GTF2IRD1: variants seen among roughly 807,000 people sequenced by gnomAD.
The protein encoded by GTF2IRD1 is general transcription factor II-I repeat domain-containing protein 1.
A neutral mutation model predicts 113.2 loss-of-function variants in GTF2IRD1; 26 were observed. The ratio of observed to expected loss-of-function variants is 0.23; its 90% CI spans 0.17 to 0.32. The LOEUF is 0.32. Ranked by LOEUF, GTF2IRD1 falls within the 10% of genes least tolerant of loss-of-function variation. The pLI, the probability that GTF2IRD1 is intolerant of heterozygous loss-of-function variation, is 1.00. For synonymous variants in GTF2IRD1, 484 were observed against 529.1 expected (o/e 0.91, Z 1.17); for missense variants, 864 against 1,280.8 (o/e 0.67, Z 4.97).
intron 17 of GTF2IRD1, among the ~76,000 whole-genome samples, chr7:74,552,929 C>T: frequency 6.6e-6 from 1 of 152,140 alleles, no homozygotes; most frequent in Non-Finnish European, 1.5e-5. Flanking sequence ...CCTCCGCCTC[C>T]CGGGTTCCAG....
chr7:74,580,875 G>A (rs1801375700), intron 22 of GTF2IRD1, among the ~76,000 whole-genome samples: 1 of 152,142 alleles, frequency 6.6e-6, no homozygotes, highest in Non-Finnish European at 1.5e-5. Flanking sequence ...TCCTAACTAT[G>A]ACATTTCCAA....
chr7:74,555,143 C>T lies in GTF2IRD1; in HGVS notation c.1917-31C>T, dbSNP rs782760016. 4.4e-6 allele frequency: 7 copies of T among 1,607,288 alleles called. No homozygotes were observed. The highest frequency in any genetic ancestry group is 8.5e-7 in the Non-Finnish European group (1 of 1,175,136). The stretch of plus-strand genomic sequence containing the variant: ...GCAGTCCCAGAGATGCTTGGAGGGA[C>T]CTCTGTGATAGCCTCGCTTGTGTTT... On this transcript the variant is annotated intron_variant, in intron 17 of 26. Coordinates refer to ENST00000424337, the MANE Select transcript of GTF2IRD1 (RefSeq NM_005685.4). The surrounding 1 kb of genome is among the most constrained non-coding windows in gnomAD (Gnocchi z 5.3).
chr7:74,584,577 G>A (rs1554367161), intron 22 of GTF2IRD1, among the ~76,000 whole-genome samples: 1 of 152,192 alleles, frequency 6.6e-6, no homozygotes, highest in Admixed American at 6.6e-5. Flanking sequence ...TGGGTAGACA[G>A]AGCAATGATT....
rs1391951613 is a variant in GTF2IRD1, at chr7:74,512,009, C to A, written c.124-821C>A. 6.6e-6 allele frequency among the ~76,000 whole-genome samples: 1 copy of A among 152,144 alleles called. No individual in the cohort carries two copies. Among genetic ancestry groups the A allele is most frequent in the Non-Finnish European group, 1.5e-5 (1 of 68,036 alleles). On this transcript the variant is annotated intron_variant, in intron 2 of 26. Coordinates refer to ENST00000424337, the MANE Select transcript of GTF2IRD1 (RefSeq NM_005685.4). This position sits in a 1 kb window ranked among gnomAD's most constrained non-coding sequence, Gnocchi z 4.4. ...TCCTCCAACCATTGAATCCCCATAC[C>A]CAAGCCCAGTGGCACTGTGGAACTG...
chr7:74,519,616 G>T lies in GTF2IRD1; in HGVS notation c.813G>T (p.Lys271Asn). The change falls in exon 6 of 27, where the codon AAG becomes AAT. Residue 271 changes from lysine (K) to asparagine (N), a missense_variant. Physicochemically the swap from Lys to Asn is moderately conservative, Grantham distance 94. Around this residue, in one of 7 missense-constraint regions of GTF2IRD1, gnomAD observed 195 missense variants for 196.6 expected, o/e 0.99. Transcript: ENST00000424337. ...ALPNHAIREL[K>N]QEAPSCPLAP... ...CCAACCACGCCATCCGAGAGCTCAAGCAGGAAGCACCTTCCTGCCCCCTTG... is the reference window on the plus strand; with the variant it reads ...CCAACCACGCCATCCGAGAGCTCAATCAGGAAGCACCTTCCTGCCCCCTTG... 6.2e-7 allele frequency: 1 copy of T among 1,612,660 alleles called. No individual in the cohort carries two copies. Among genetic ancestry groups the T allele is most frequent in the Non-Finnish European group, 8.5e-7 (1 of 1,179,726 alleles).
intron 20 of GTF2IRD1, 78 bp downstream of exon 20, chr7:74,557,800 G>A (rs1289260414): frequency 3.0e-5 from 26 of 872,952 alleles, no homozygotes; most frequent in Non-Finnish European, 4.3e-5. Flanking sequence ...AGTTCCAGCC[G>A]AGGGCATTTC....
At chr7:74,496,065 T>A (rs1795646137) in intron 1 of GTF2IRD1, among the ~76,000 whole-genome samples, 1 of 152,010 alleles carries the variant, frequency 6.6e-6, no homozygotes, top group Non-Finnish European at 1.5e-5. Context: ...TGTCTGTATG[T>A]GTGGACATGC....
At chr7:74,533,285 C>G (rs1798082932) in intron 9 of GTF2IRD1, among the ~76,000 whole-genome samples, 1 of 152,094 alleles carries the variant, frequency 6.6e-6, no homozygotes. Context: ...CAGGCATGCA[C>G]CACCACACCT....
intron 8 of GTF2IRD1, among the ~76,000 whole-genome samples, chr7:74,524,598 G>A (rs1449804213): frequency 2.0e-5 from 3 of 152,238 alleles, no homozygotes; most frequent in Admixed American, 6.5e-5. Context: ...GGGTGCAGTG[G>A]CTCATGCCTG....
At chr7:74,561,596 G>A (rs1231382667) in intron 22 of GTF2IRD1, among the ~76,000 whole-genome samples, 6 of 151,896 alleles carry the variant, frequency 4.0e-5, no homozygotes, top group Admixed American at 6.6e-5. Flanking sequence ...CGGAGCTCTC[G>A]GAGGGGCAGA....
At chr7:74,514,928 G>T (rs1211173420) in intron 3 of GTF2IRD1, among the ~76,000 whole-genome samples, 4 of 151,678 alleles carry the variant, frequency 2.6e-5, no homozygotes, top group Non-Finnish European at 5.9e-5. Context: ...AAGGTGGCAG[G>T]CGCCTATAAT....
At chr7:74,480,139 G>T (rs1794651073) in intron 1 of GTF2IRD1, among the ~76,000 whole-genome samples, 1 of 151,180 alleles carries the variant, frequency 6.6e-6, no homozygotes, top group Non-Finnish European at 1.5e-5. Context: ...CTTGCACTGT[G>T]TTTTAATCTT....
chr7:74,593,413 TAAAAAAAAAAAA>T (rs1176932203), intron 24 of GTF2IRD1, among the ~76,000 whole-genome samples: 1 of 49,248 alleles, frequency 2.0e-5, no homozygotes, highest in Non-Finnish European at 3.4e-5. Flanking sequence ...TCATCTCTAC[TAAAAAAAAAAAA>T]AAAAAAAAAA....
chr7:74,536,317 T>A, intron 11 of GTF2IRD1, 42 bp downstream of exon 11: 5 of 1,225,662 alleles, frequency 4.1e-6, no homozygotes, highest in Non-Finnish European at 4.8e-6. Context: ...CGGCCAGCCC[T>A]GCTCTGGGCT....
intron 17 of GTF2IRD1, among the ~76,000 whole-genome samples, chr7:74,548,572 C>A (rs1374663609): frequency 6.6e-6 from 1 of 151,692 alleles, no homozygotes; most frequent in Non-Finnish European, 1.5e-5. Context: ...GAGTTCAAGA[C>A]CAGCCTGGGC....
chr7:74,559,069 G>C (rs782649822), intron 21 of GTF2IRD1, 25 bp downstream of exon 21: 1 of 1,600,976 alleles, frequency 6.2e-7, no homozygotes, highest in East Asian at 2.2e-5. Context: ...GGGTGAGGGT[G>C]AAGAGGCAGG....
intron 22 of GTF2IRD1, among the ~76,000 whole-genome samples, chr7:74,587,745 C>T (rs1399426408): frequency 1.3e-5 from 2 of 152,146 alleles, no homozygotes; most frequent in Non-Finnish European, 2.9e-5. Flanking sequence ...TCCAGCCCAA[C>T]CCCCACTCAG....
intron 17 of GTF2IRD1, among the ~76,000 whole-genome samples, chr7:74,549,134 A>C (rs1429253548): frequency 6.6e-6 from 1 of 151,994 alleles, no homozygotes; most frequent in African/African-American, 2.4e-5. Flanking sequence ...TACTAAAAAT[A>C]CACAGATTAG....
chr7:74,518,393 GC>G, intron 5 of GTF2IRD1, 71 bp downstream of exon 5: 1 of 1,267,960 alleles, frequency 7.9e-7, no homozygotes. Context: ...GGGGCTGGAG[GC>G]CACTTAGCCA....
Sources: allele counts gnomAD v4.1 joint callset (sites outside exome capture counted in the v4.1 genomes callset), GRCh38; gene constraint gnomAD v4.1.1; regional missense constraint gnomAD v4.1.1; non-coding constraint Gnocchi (gnomAD v3.1); transcripts MANE v1.5; gene names NCBI Gene and HGNC (gene_info 2026-07-23, HGNC 2026-07-21).